UNC5B: variants seen among roughly 807,000 people sequenced by gnomAD.
UNC5B encodes unc-5 netrin receptor B, also known as netrin receptor UNC5B.
Under a neutral mutation model 103.7 loss-of-function variants are expected in UNC5B, and 56 were observed. The observed-to-expected ratio is 0.54, with a 90% CI of 0.44 to 0.67. The LOEUF (loss-of-function observed/expected upper bound fraction) is 0.67, where lower values mean the gene tolerates loss of function less well. UNC5B is among the 30% of genes least tolerant of loss of function. The probability of loss-of-function intolerance (pLI) is 0.00; values close to 1 mark genes in which losing one functional copy is unlikely to be tolerated. For synonymous variants in UNC5B, 577 were observed against 542.0 expected (o/e 1.06, Z -0.90); for missense variants, 1,194 against 1,284.5 (o/e 0.93, Z 1.08).
Position 71,298,022 on chromosome 10 carries a change from C to T in UNC5B, c.2604C>T (p.Asn868=). ...IPLSIRQKIC[N]SLDAPNSRGN... Reference sequence around the variant, plus strand: ...TGTCCATCCGCCAGAAGATATGCAACAGCCTAGATGCCCCCAACTCACGGG... The same window carrying T: ...TGTCCATCCGCCAGAAGATATGCAATAGCCTAGATGCCCCCAACTCACGGG... The change falls in exon 16 of 17, where the codon AAC becomes AAT. Residue 868 remains asparagine, a synonymous_variant. Transcript: ENST00000335350. 6.2e-7 allele frequency: 1 copy of T among 1,613,990 alleles called. No homozygotes were observed. The highest frequency in any genetic ancestry group is 8.5e-7 in the Non-Finnish European group (1 of 1,180,024).
chr10:71,285,640 A>AC (rs77085122), intron 4 of UNC5B, among the ~76,000 whole-genome samples: 18,458 of 152,136 alleles, frequency 0.12, 1,869 homozygotes, highest in African/African-American at 0.27. Flanking sequence ...CACAGGCATA[A>AC]CCCCACGGGA....
At chr10:71,227,667 CACATATAT>C (rs1187760746) in intron 1 of UNC5B, among the ~76,000 whole-genome samples, 1 of 135,318 alleles carries the variant, frequency 7.4e-6, no homozygotes. Flanking sequence ...CATATATATA[CACATATAT>C]ACATATATAT....
chr10:71,239,139 C>T (rs1843833744), intron 1 of UNC5B, among the ~76,000 whole-genome samples: 2 of 152,116 alleles, frequency 1.3e-5, no homozygotes, highest in South Asian at 4.1e-4. Flanking sequence ...GCCAGTGACC[C>T]AGGGAAGACT....
chr10:71,213,798 G>A lies in UNC5B; in HGVS notation c.79+734G>A, dbSNP rs1015977471. ...TAGGGGTTCTTAGCGATCCTGCGGA[G>A]TTTCCTTTTAAATTGGTCACTGACA... On this transcript the variant is annotated intron_variant, in intron 1 of 16. Transcript: ENST00000335350. This position sits in a 1 kb window ranked among gnomAD's most constrained non-coding sequence, Gnocchi z 4.1. Among the ~76,000 whole-genome samples, 1 of 149,278 alleles carries A rather than the reference G, an allele frequency of 6.7e-6. No homozygotes were observed. Among genetic ancestry groups the A allele is most frequent in the African/African-American group, 2.5e-5 (1 of 40,152 alleles).
chr10:71,276,312 A>C (rs1272944072), intron 1 of UNC5B, among the ~76,000 whole-genome samples: 1 of 152,114 alleles, frequency 6.6e-6, no homozygotes, highest in Non-Finnish European at 1.5e-5. Flanking sequence ...AGGAACCCCG[A>C]GACCCCATTA....
chr10:71,264,100 A>C (rs749294527), intron 1 of UNC5B, among the ~76,000 whole-genome samples: 1 of 152,220 alleles, frequency 6.6e-6, no homozygotes, highest in Non-Finnish European at 1.5e-5. Context: ...CTAATGGTGG[A>C]TAGTTCCTGC....
intron 1 of UNC5B, among the ~76,000 whole-genome samples, chr10:71,233,091 T>C (rs1843713441): frequency 6.6e-6 from 1 of 152,218 alleles, no homozygotes. Context: ...TCTGATGGCC[T>C]AAATGCCAAG....
At chr10:71,221,130 C>T (rs1157085027) in intron 1 of UNC5B, among the ~76,000 whole-genome samples, 1 of 152,208 alleles carries the variant, frequency 6.6e-6, no homozygotes, top group African/African-American at 2.4e-5. Context: ...TGCCCTTGCA[C>T]GCATTATGCA....
intron 1 of UNC5B, among the ~76,000 whole-genome samples, chr10:71,217,034 G>T (rs184326391): frequency 6.6e-6 from 1 of 152,260 alleles, no homozygotes; most frequent in Non-Finnish European, 1.5e-5. Context: ...GGGGGTGGGA[G>T]CCTGGGCCCA....
chr10:71,253,055 C>T (rs182859175), intron 1 of UNC5B, among the ~76,000 whole-genome samples: 107 of 152,346 alleles, frequency 7.0e-4, no homozygotes, highest in Non-Finnish European at 1.2e-3. Context: ...CCCTCCATCC[C>T]TCTTAGCTCT....
In UNC5B at chr10:71,286,857, G is replaced by T. The variant is rs201690824; in HGVS notation, c.721G>T (p.Val241Phe). Residue 241 changes from valine to phenylalanine, a missense_variant, in exon 5 of 17, where the codon GTC becomes TTC. Transcript: ENST00000335350. Reference sequence around the variant, plus strand: ...CAAACGCCGGAGCACCACTGCCACCGTCATCGTCTACGGTGCGGGCCTTTC... The same window carrying T: ...CAAACGCCGGAGCACCACTGCCACCTTCATCGTCTACGGTGCGGGCCTTTC... ...VAKRRSTTAT[V>F]IVYVNGGWSS... 1 of 1,614,050 alleles carries T rather than the reference G, an allele frequency of 6.2e-7. No individual in the cohort carries two copies. The highest frequency in any genetic ancestry group is 1.1e-5 in the South Asian group (1 of 91,070).
intron 1 of UNC5B, among the ~76,000 whole-genome samples, chr10:71,248,839 CCT>C (rs910245648): frequency 1.9e-4 from 26 of 138,098 alleles, no homozygotes; most frequent in African/African-American, 6.6e-4. Context: ...CAGGCTCCTC[CCT>C]CTCTCTGTCT....
At chr10:71,279,686 C>A in intron 1 of UNC5B, 135 bp from the exon 2 acceptor site, 1 of 913,458 alleles carries the variant, frequency 1.1e-6, no homozygotes, top group Non-Finnish European at 1.6e-6. Flanking sequence ...CAGATTACGT[C>A]CCCAGGAGGG....
chr10:71,243,214 G>A (rs1007191440), intron 1 of UNC5B, among the ~76,000 whole-genome samples: 2 of 152,110 alleles, frequency 1.3e-5, no homozygotes, highest in Non-Finnish European at 2.9e-5. Flanking sequence ...CAGCCTGGGC[G>A]ACAGAGGGAG....
At chr10:71,259,347 C>T (rs1844362097) in intron 1 of UNC5B, among the ~76,000 whole-genome samples, 1 of 149,606 alleles carries the variant, frequency 6.7e-6, no homozygotes, top group South Asian at 2.1e-4. Flanking sequence ...CGATATGCCA[C>T]TGCCCTATAG....
At chr10:71,294,269 G>A (rs1427595657) in intron 13 of UNC5B, among the ~76,000 whole-genome samples, 1 of 152,202 alleles carries the variant, frequency 6.6e-6, no homozygotes, top group South Asian at 2.1e-4. Flanking sequence ...AGAAAGGAGT[G>A]AAGGGCATTC....
rs1845605270 is a variant in UNC5B at position 71,302,595 on chromosome 10, C to T, written c.*3318C>T. The T allele has an allele frequency of 6.6e-6, 1 of 152,102 alleles. No homozygotes were observed. Among genetic ancestry groups the T allele is most frequent in the Non-Finnish European group, 1.5e-5 (1 of 68,040 alleles). 9.4% of individuals were successfully genotyped at this position (152,102 alleles called of 1,614,324 possible). A position where few individuals can be genotyped will look rare whatever the true frequency, so the allele number is the denominator to read the frequency against. On this transcript the variant is annotated 3_prime_UTR_variant, in exon 17 of 17. Coordinates refer to ENST00000335350, the MANE Select transcript of UNC5B (RefSeq NM_170744.5). ...CTCCAGGGCACTCTGGTCCCTATTC[C>T]CCAGCTCCTAGGCAGCTGAGCCGGG...
chr10:71,250,713 C>A (rs1481409417), intron 1 of UNC5B, among the ~76,000 whole-genome samples: 1 of 152,216 alleles, frequency 6.6e-6, no homozygotes, highest in Non-Finnish European at 1.5e-5. Flanking sequence ...GGGCTAAATT[C>A]TAAAGTATTG....
At chr10:71,228,201 A>T (rs554043324) in intron 1 of UNC5B, among the ~76,000 whole-genome samples, 1 of 152,342 alleles carries the variant, frequency 6.6e-6, no homozygotes, top group Admixed American at 6.5e-5. Flanking sequence ...ATACAGAGAG[A>T]TGAACTCCAA....
Sources: gnomAD v4.1 joint callset for allele counts (sites outside exome capture counted in the v4.1 genomes callset) on GRCh38, gnomAD v4.1.1 for gene constraint, Gnocchi (gnomAD v3.1) non-coding constraint, MANE v1.5 for transcripts, NCBI Gene and HGNC (gene_info 2026-07-23, HGNC 2026-07-21) for gene names.